RARB: variants seen among roughly 807,000 people sequenced by gnomAD.
RARB encodes the protein HBV-activated protein.
RARB carries 17 observed loss-of-function variants against 51.9 expected under a neutral mutation model. That is an observed-to-expected ratio of 0.33 (90% confidence interval 0.22 to 0.49). The LOEUF is 0.49. Ranked by LOEUF, RARB falls within the 20% of genes least tolerant of loss-of-function variation. RARB has a pLI of 0.99. For missense variants in RARB, 369 were observed against 550.8 expected, an observed-to-expected ratio of 0.67 and a Z score of 3.30; for synonymous variants, 215 against 195.4, an observed-to-expected ratio of 1.10 and a Z score of -0.84.
At chr3:25,022,151 T>C (rs1697652381) in intron 2 of RARB, among the ~76,000 whole-genome samples, 1 of 152,160 alleles carries the variant, frequency 6.6e-6, no homozygotes, top group African/African-American at 2.4e-5. Context: ...ATAGTGTACA[T>C]GTAGAAAAGT....
intron 2 of RARB, among the ~76,000 whole-genome samples, chr3:24,931,933 C>T (rs1471284678): frequency 6.6e-6 from 1 of 152,038 alleles, no homozygotes; most frequent in Non-Finnish European, 1.5e-5. Flanking sequence ...GACTATGCAG[C>T]CTGTTTCCAG....
chr3:24,882,845 A>C (rs1330913124), intron 2 of RARB, among the ~76,000 whole-genome samples: 1 of 152,134 alleles, frequency 6.6e-6, no homozygotes, highest in African/African-American at 2.4e-5. Context: ...CTCCTAACCC[A>C]TGATTGGTTG....
intron 2 of RARB, among the ~76,000 whole-genome samples, chr3:24,985,642 TG>T (rs2125429787): frequency 6.6e-6 from 1 of 152,370 alleles, no homozygotes; most frequent in South Asian, 2.1e-4. Context: ...GTTTGCCATT[TG>T]GAAAAAGGGG....
chr3:25,377,924 C>T (rs1179637098), intron 5 of RARB, among the ~76,000 whole-genome samples: 1 of 152,058 alleles, frequency 6.6e-6, no homozygotes, highest in Non-Finnish European at 1.5e-5. Context: ...CATATTATTC[C>T]CATATTACTG....
intron 5 of RARB, among the ~76,000 whole-genome samples, chr3:25,230,278 G>A (rs949409409): frequency 5.9e-5 from 9 of 152,102 alleles, no homozygotes; most frequent in East Asian, 1.9e-4. Flanking sequence ...CATGTCACAC[G>A]CCTTTTTACA....
At chr3:25,346,957 G>T (rs759728663) in intron 5 of RARB, among the ~76,000 whole-genome samples, 10 of 152,224 alleles carry the variant, frequency 6.6e-5, no homozygotes, top group Non-Finnish European at 1.0e-4. Context: ...TTCATGAGTA[G>T]TCTTCCATGT....
intron 1 of RARB, among the ~76,000 whole-genome samples, chr3:24,847,097 C>T (rs563941173): frequency 2.0e-5 from 3 of 152,324 alleles, no homozygotes; most frequent in Admixed American, 2.0e-4. Context: ...TGCTTCTACA[C>T]TCACTTCCCT....
intron 5 of RARB, among the ~76,000 whole-genome samples, chr3:25,184,803 G>C (rs933412029): frequency 1.3e-5 from 2 of 151,960 alleles, no homozygotes; most frequent in Admixed American, 1.3e-4. Context: ...GAGTCAGGAG[G>C]ATCACTTAAG....
Position 25,088,048 on chromosome 3 carries a change from T to C in RARB, c.-328+27872T>C, listed in dbSNP as rs534516485. Among the ~76,000 whole-genome samples the C allele has an allele frequency of 3.3e-4, 50 of 152,072 alleles. No individual in the cohort carries two copies. The South Asian group carries it at 4.1e-3, about 13-fold the overall frequency. ...AGAAGGTTGTAAAGGACAGCAGTTT[T>C]GCTAGCAAAGAAACCAAAAATAAGT... On this transcript the variant is annotated intron_variant, in intron 3 of 11. Transcript: ENST00000383772.
At chr3:24,982,039 C>T (rs565930601) in intron 2 of RARB, among the ~76,000 whole-genome samples, 1 of 152,288 alleles carries the variant, frequency 6.6e-6, no homozygotes, top group African/African-American at 2.4e-5. Flanking sequence ...TTCTGTGCTC[C>T]TCTTTGGGTC....
At chr3:24,910,229 G>C (rs1694962932) in intron 2 of RARB, among the ~76,000 whole-genome samples, 1 of 151,986 alleles carries the variant, frequency 6.6e-6, no homozygotes, top group South Asian at 2.1e-4. Flanking sequence ...AGAAACTTAG[G>C]GAAATTGGGG....
chr3:24,913,011 C>T (rs144144225), intron 2 of RARB, among the ~76,000 whole-genome samples: 7,605 of 70,582 alleles, frequency 0.11, 398 homozygotes, highest in East Asian at 0.36. Context: ...GACAGAGTCT[C>T]GCTCTGTCGC....
At chr3:25,095,503 C>G (rs1182230353) in intron 3 of RARB, among the ~76,000 whole-genome samples, 1 of 152,156 alleles carries the variant, frequency 6.6e-6, no homozygotes, top group Non-Finnish European at 1.5e-5. Context: ...CCCCCTTGGC[C>G]ATACATCCTC....
chr3:25,281,630 A>G (rs1703525078), intron 5 of RARB, among the ~76,000 whole-genome samples: 1 of 152,230 alleles, frequency 6.6e-6, no homozygotes, highest in Admixed American at 6.5e-5. Flanking sequence ...GGTGAGATCA[A>G]TTAATTAGAA....
chr3:25,298,921 G>T (rs1361950860), intron 5 of RARB, among the ~76,000 whole-genome samples: 1 of 152,096 alleles, frequency 6.6e-6, no homozygotes, highest in Admixed American at 6.6e-5. Context: ...TGGAATACCT[G>T]AAATACCCAT....
At chr3:25,169,637 A>T (rs1700610517) in intron 4 of RARB, among the ~76,000 whole-genome samples, 1 of 152,182 alleles carries the variant, frequency 6.6e-6, no homozygotes, top group South Asian at 2.1e-4. Flanking sequence ...AGAGGTTTCT[A>T]TGTGTGGGCA....
intron 5 of RARB, among the ~76,000 whole-genome samples, chr3:25,308,733 C>T (rs1234187680): frequency 6.6e-6 from 1 of 152,190 alleles, no homozygotes; most frequent in Non-Finnish European, 1.5e-5. Flanking sequence ...CAGGCATTAG[C>T]CATTGCACCC....
chr3:25,257,669 G>A (rs940975911), intron 5 of RARB, among the ~76,000 whole-genome samples: 1 of 152,086 alleles, frequency 6.6e-6, no homozygotes, highest in Non-Finnish European at 1.5e-5. Context: ...TCTACCTGAT[G>A]CCTCCGCTCC....
At chr3:25,174,081 T>G (rs1332389123) in intron 4 of RARB, 1 of 177,408 alleles carries the variant, frequency 5.6e-6, no homozygotes, top group Non-Finnish European at 1.2e-5. Flanking sequence ...GGGAGAGATT[T>G]TTTGTGATAT....
Sources: allele counts gnomAD v4.1 joint callset (sites outside exome capture counted in the v4.1 genomes callset), GRCh38; gene constraint gnomAD v4.1.1; transcripts MANE v1.5; gene names NCBI Gene and HGNC (gene_info 2026-07-23, HGNC 2026-07-21).